ARHGAP12: variants seen among roughly 807,000 people sequenced by gnomAD.
ARHGAP12 encodes rho GTPase-activating protein 12.
Under a neutral mutation model 108.6 loss-of-function variants are expected in ARHGAP12, and 64 were observed. The ratio of observed to expected loss-of-function variants is 0.59; its 90% CI spans 0.48 to 0.73. The LOEUF (loss-of-function observed/expected upper bound fraction) is 0.73. ARHGAP12 is among the 30% of genes least tolerant of loss of function. The pLI is 0.00. For missense variants in ARHGAP12, 940 were observed against 1,005.9 expected (o/e 0.93, Z 0.89); for synonymous variants, 312 against 337.2 (o/e 0.93, Z 0.82).
chr10:31,903,460 G>A (rs1482955645), intron 3 of ARHGAP12, among the ~76,000 whole-genome samples: 1 of 152,134 alleles, frequency 6.6e-6, no homozygotes, highest in East Asian at 1.9e-4. Flanking sequence ...CTCTGGAAAA[G>A]CCTAATATAG....
chr10:31,837,128 AG>A (rs1457025827), intron 9 of ARHGAP12, among the ~76,000 whole-genome samples: 2 of 152,194 alleles, frequency 1.3e-5, no homozygotes. Flanking sequence ...CTTTGCTTCT[AG>A]GATTACTTAG....
chr10:31,832,036 C>T (rs1835855336), intron 9 of ARHGAP12, among the ~76,000 whole-genome samples: 1 of 152,096 alleles, frequency 6.6e-6, no homozygotes, highest in Non-Finnish European at 1.5e-5. Context: ...GTCACAGCAG[C>T]TATTAGATAC....
At chr10:31,883,516 C>T (rs185123158) in intron 3 of ARHGAP12, among the ~76,000 whole-genome samples, 88 of 152,158 alleles carry the variant, frequency 5.8e-4, no homozygotes, top group African/African-American at 1.9e-3. Flanking sequence ...TTCCATTTTC[C>T]AACTTCAGCA....
intron 4 of ARHGAP12, among the ~76,000 whole-genome samples, chr10:31,857,108 T>C (rs546647796): frequency 6.6e-4 from 101 of 152,312 alleles, no homozygotes; most frequent in African/African-American, 2.3e-3. Flanking sequence ...CAAAATATTA[T>C]CTGATTCAAA....
At chr10:31,836,163 T>C (rs565514591) in intron 9 of ARHGAP12, among the ~76,000 whole-genome samples, 3 of 152,326 alleles carry the variant, frequency 2.0e-5, no homozygotes, top group African/African-American at 7.2e-5. Flanking sequence ...AATTTTAAAA[T>C]GTCTTTTTCT....
intron 6 of ARHGAP12, among the ~76,000 whole-genome samples, chr10:31,846,954 A>C (rs1449763804): frequency 2.3e-5 from 3 of 132,954 alleles, no homozygotes; most frequent in African/African-American, 5.7e-5. Context: ...TGTTCAGACT[A>C]AATAATTTCT....
In ARHGAP12 at chr10:31,807,576, C is replaced by CA; in HGVS notation, c.*81dup. ...AAAATCAAAGAGTCACTGCTTGGTC[C>CA]AAAAAATAAAATACATTGTGTATAA... On this transcript the variant is annotated 3_prime_UTR_variant, in exon 20 of 20. Coordinates refer to ENST00000344936, the MANE Select transcript of ARHGAP12 (RefSeq NM_018287.7). 1 of 1,421,526 alleles carries CA rather than the reference C, an allele frequency of 7.0e-7. No individual in the cohort carries two copies. Among genetic ancestry groups the CA allele is most frequent in the Non-Finnish European group, 9.4e-7 (1 of 1,062,094 alleles). The allele number at this position is 1,421,526 out of a possible 1,614,324, so 88.1% of individuals were successfully genotyped here. A position where few individuals can be genotyped will look rare whatever the true frequency, so the allele number is the denominator to read the frequency against.
chr10:31,876,070 T>C (rs1371521059), intron 3 of ARHGAP12, among the ~76,000 whole-genome samples: 1 of 152,252 alleles, frequency 6.6e-6, no homozygotes, highest in Non-Finnish European at 1.5e-5. Context: ...TGCTTCCACC[T>C]TTTGGCTATA....
intron 1 of ARHGAP12, among the ~76,000 whole-genome samples, chr10:31,923,530 C>T (rs892301990): frequency 3.3e-5 from 5 of 152,238 alleles, no homozygotes; most frequent in Middle Eastern, 3.4e-3. Flanking sequence ...AAGAGAAACT[C>T]GCAAGTCAAT....
chr10:31,878,917 A>T (rs1006800308), intron 3 of ARHGAP12, among the ~76,000 whole-genome samples: 16 of 152,368 alleles, frequency 1.1e-4, no homozygotes, highest in Middle Eastern at 6.8e-3. Flanking sequence ...ATTCTTCCAA[A>T]GTAATTCCTT....
At chr10:31,838,695 G>A (rs1286660897) in intron 9 of ARHGAP12, among the ~76,000 whole-genome samples, 15 of 151,952 alleles carry the variant, frequency 9.9e-5, no homozygotes, top group Admixed American at 9.8e-4. Flanking sequence ...GCCAGGTGTT[G>A]TGGCGCATGC....
At chr10:31,865,738 C>T (rs1837297789) in intron 3 of ARHGAP12, among the ~76,000 whole-genome samples, 1 of 151,898 alleles carries the variant, frequency 6.6e-6, no homozygotes, top group African/African-American at 2.4e-5. Flanking sequence ...ATTAGCCCGG[C>T]GTGGTGGCGG....
intron 11 of ARHGAP12, among the ~76,000 whole-genome samples, chr10:31,825,634 T>G (rs574676926): frequency 6.6e-6 from 1 of 152,242 alleles, no homozygotes; most frequent in East Asian, 1.9e-4. Flanking sequence ...GCAATAGCTA[T>G]CCCAGCGTTA....
rs1490030187 is a variant in ARHGAP12 at position 31,908,275 on chromosome 10, G to A, written c.581C>T (p.Ser194Phe). ...TGCGGAATCACAAGATTGTTCCTGG[G>A]AGAAGCTAGTTTTCTCTACATCCAA... ...EFLDVEKTSFSQEQSCDSAGE... is the reference protein window; with the variant it reads ...EFLDVEKTSFFQEQSCDSAGE... The change falls in exon 3 of 20, where the codon TCC becomes TTC. Residue 194 changes from serine (S) to phenylalanine (F), a missense_variant. Physicochemically the swap from Ser to Phe is radical, Grantham distance 155. Coordinates refer to ENST00000344936, the MANE Select transcript of ARHGAP12 (RefSeq NM_018287.7). 6.2e-7 allele frequency: 1 copy of A among 1,614,002 alleles called. No individual in the cohort carries two copies. The highest frequency in any genetic ancestry group is 1.7e-5 in the Admixed American group (1 of 60,016).
chr10:31,927,074 A>C (rs1223343158), intron 1 of ARHGAP12, among the ~76,000 whole-genome samples: 2 of 152,212 alleles, frequency 1.3e-5, no homozygotes, highest in Admixed American at 6.5e-5. Context: ...TTTTTCCCCC[A>C]CAGAGAAACA....
At chr10:31,918,994 T>C (rs776059827) in intron 1 of ARHGAP12, among the ~76,000 whole-genome samples, 2 of 152,202 alleles carry the variant, frequency 1.3e-5, no homozygotes, top group Non-Finnish European at 2.9e-5. Flanking sequence ...TAAATATCCA[T>C]CAATGGACGA....
chr10:31,843,360 G>A, intron 7 of ARHGAP12, 101 bp downstream of exon 7: 1 of 1,272,412 alleles, frequency 7.9e-7, no homozygotes, highest in South Asian at 1.5e-5. Context: ...AAATGTTTTA[G>A]CAAAGAATAT....
intron 2 of ARHGAP12, among the ~76,000 whole-genome samples, chr10:31,909,971 C>A (rs899543653): frequency 6.6e-6 from 1 of 152,076 alleles, no homozygotes; most frequent in African/African-American, 2.4e-5. Flanking sequence ...AAGAGAGAGG[C>A]AGAAACTGGA....
At chr10:31,876,409 T>G (rs968343143) in intron 3 of ARHGAP12, among the ~76,000 whole-genome samples, 1 of 151,896 alleles carries the variant, frequency 6.6e-6, no homozygotes, top group African/African-American at 2.4e-5. Flanking sequence ...ATCCCAGCTA[T>G]TGAGGCTGGA....
Sources: gnomAD v4.1 joint callset for allele counts (sites outside exome capture counted in the v4.1 genomes callset) on GRCh38, gnomAD v4.1.1 for gene constraint, MANE v1.5 for transcripts, NCBI Gene and HGNC (gene_info 2026-07-23, HGNC 2026-07-21) for gene names.